The following LRRC4B variants were observed in gnomAD, a reference collection of about 807,000 sequenced individuals.
LRRC4B encodes the protein leucine-rich repeat-containing protein 4B.
LRRC4B carries 1 observed loss-of-function variant against 7.3 expected under a neutral mutation model. That is an observed-to-expected ratio of 0.14 (90% CI 0.05 to 0.65). The LOEUF is 0.65. Among genes scored for constraint, LRRC4B ranks in the 30% least tolerant of loss-of-function variants. LRRC4B has a pLI of 0.84. For synonymous variants in LRRC4B, 500 were observed against 499.2 expected, an observed-to-expected ratio of 1.00 and a Z score of -0.02; for missense variants, 730 against 1,041.6, an observed-to-expected ratio of 0.70 and a Z score of 4.12.
rs753611353 is a variant in LRRC4B, at chr19:50,548,283, G to C, written c.297+259C>G. On this transcript the variant is annotated intron_variant, in intron 2 of 2. Transcript: ENST00000652263. This position sits in a 1 kb window ranked among gnomAD's most constrained non-coding sequence, Gnocchi z 6.8. ...CGACCCGCCTGTCCTGTGCCGGGGG[G>C]GCTGGGCAGGTGGCCTGCACTTGGG... 5.8e-4 allele frequency among the ~76,000 whole-genome samples: 88 copies of C among 152,350 alleles called. No homozygotes were observed. The highest frequency in any genetic ancestry group is 1.7e-3 in the South Asian group (8 of 4,830).
At chr19:50,547,244 G>T (rs1348937080) in intron 2 of LRRC4B, among the ~76,000 whole-genome samples, 1 of 152,172 alleles carries the variant, frequency 6.6e-6, no homozygotes, top group Non-Finnish European at 1.5e-5. Context: ...GGGAGCGGGG[G>T]GTGGTGATGT....
intron 1 of LRRC4B, among the ~76,000 whole-genome samples, chr19:50,551,218 T>C (rs1982044613): frequency 6.6e-6 from 1 of 151,088 alleles, no homozygotes; most frequent in Non-Finnish European, 1.5e-5. Context: ...GCTGGGCCTC[T>C]CCCTGCGCCC....
Position 50,548,822 on chromosome 19 carries a change from C to A in LRRC4B, c.17G>T (p.Gly6Val). The A allele has an allele frequency of 6.7e-7, 1 of 1,493,484 alleles. No homozygotes were observed. Among genetic ancestry groups the A allele is most frequent in the Non-Finnish European group, 8.9e-7 (1 of 1,126,338 alleles). 92.5% of individuals were successfully genotyped at this position (1,493,484 alleles called of 1,614,324 possible). A position where few individuals can be genotyped will look rare whatever the true frequency, so the allele number is the denominator to read the frequency against. MARAR[G>V]SPCPPLPPGR... The stretch of plus-strand genomic sequence containing the variant: ...GGGCGGCAGCGGGGGGCACGGGGAG[C>A]CGCGGGCACGCGCCATCCTCAATGT... The change falls in exon 2 of 3, where the codon GGC (glycine) becomes GTC (valine). Residue 6 changes from glycine (G) to valine (V), a missense_variant. Gly to Val is a moderately radical substitution (Grantham distance 109). Transcript: ENST00000652263. The surrounding 1 kb of genome is among the most constrained non-coding windows in gnomAD (Gnocchi z 6.8).
At chr19:50,522,991 T>C (rs1980648003) in intron 2 of LRRC4B, among the ~76,000 whole-genome samples, 1 of 152,200 alleles carries the variant, frequency 6.6e-6, no homozygotes, top group Admixed American at 6.5e-5. Flanking sequence ...TTGCCCAAGG[T>C]CACACAGAAG....
At position 50,548,573 on chromosome 19, in the gene LRRC4B, C is replaced by T. The variant is rs563876239; in HGVS notation, c.266G>A (p.Arg89Gln). Residue 89 changes from arginine to glutamine, a missense_variant, in exon 2 of 3, where the codon CGG becomes CAG. Physicochemically the swap from Arg to Gln is conservative, Grantham distance 43. Transcript: ENST00000652263. The surrounding 1 kb of genome is among the most constrained non-coding windows in gnomAD (Gnocchi z 6.8). ...EVPASIPVNTRYLNLQENGIQ... is the reference protein window; with the variant it reads ...EVPASIPVNTQYLNLQENGIQ... ...GCCGTTCTCTTGCAGGTTCAGGTAC[C>T]GCGTGTTGACCGGGATGCTGGCTGG... 3 of 1,601,558 alleles carry T rather than the reference C, an allele frequency of 1.9e-6. No homozygotes were observed. Among genetic ancestry groups the T allele is most frequent in the African/African-American group, 1.3e-5 (1 of 75,010 alleles).
intron 2 of LRRC4B, among the ~76,000 whole-genome samples, chr19:50,544,150 TGA>T (rs1981689639): frequency 1.3e-5 from 2 of 151,626 alleles, no homozygotes; most frequent in Admixed American, 6.6e-5. Context: ...GAGGTTGCAG[TGA>T]GCTGAGATTG....
At chr19:50,565,448 G>A (rs1205303249) in intron 1 of LRRC4B, among the ~76,000 whole-genome samples, 2 of 152,188 alleles carry the variant, frequency 1.3e-5, no homozygotes, top group African/African-American at 2.4e-5. Context: ...CTGACTGAGT[G>A]TGGGGGCTGC....
At position 50,537,718 on chromosome 19, in the gene LRRC4B, A is replaced by C. The variant is rs921822931; in HGVS notation, c.297+10824T>G. Among the ~76,000 whole-genome samples, 1 of 151,992 alleles carries C rather than the reference A, an allele frequency of 6.6e-6. No homozygotes were observed. Among genetic ancestry groups the C allele is most frequent in the Non-Finnish European group, 1.5e-5 (1 of 67,980 alleles). On this transcript the variant is annotated intron_variant, in intron 2 of 2. Transcript: ENST00000652263. The surrounding 1 kb of genome is among the most constrained non-coding windows in gnomAD (Gnocchi z 5.5). ...GTGTGCTGTGAGTCATCATGAGAAA[A>C]AGTTAAGAAGAAACTGACAAAGTAT... is the stretch of plus-strand genomic sequence containing the variant.
intron 1 of LRRC4B, among the ~76,000 whole-genome samples, chr19:50,564,646 C>T (rs188181317): frequency 3.9e-5 from 6 of 151,920 alleles, no homozygotes; most frequent in African/African-American, 1.2e-4. Context: ...GATGGAGAGG[C>T]GAGACGGCTT....
chr19:50,555,455 G>C lies in LRRC4B; in HGVS notation c.-35-6582C>G, dbSNP rs1365270949. 6.5e-6 allele frequency: 1 copy of C among 153,354 alleles called. No individual in the cohort carries two copies. The highest frequency in any genetic ancestry group is 2.4e-5 in the African/African-American group (1 of 41,480). 9.5% of individuals were successfully genotyped at this position (153,354 alleles called of 1,614,324 possible). ...AGGACCCCAAAGAGGAGAAGTACGA[G>C]GGGCAGAGAGTGGCAGAGTCACAGG... On this transcript the variant is annotated intron_variant, in intron 1 of 2. Coordinates refer to ENST00000652263, the MANE Select transcript of LRRC4B (RefSeq NM_001080457.2). This position sits in a 1 kb window ranked among gnomAD's most constrained non-coding sequence, Gnocchi z 5.2.
At position 50,526,352 on chromosome 19, in the gene LRRC4B, G is replaced by C. The variant is rs1980806657; in HGVS notation, c.298-6937C>G. ...TTTTCCTGGATACCTCCCTGCATCT[G>C]TCCTTCAACACCTAGTTCCAGGGTC... is the stretch of plus-strand genomic sequence containing the variant. On this transcript the variant is annotated intron_variant, in intron 2 of 2. Transcript: ENST00000652263. Among the ~76,000 whole-genome samples the C allele has an allele frequency of 2.6e-5, 4 of 152,072 alleles. No homozygotes were observed. In the South Asian group the frequency reaches 8.3e-4, roughly 32 times the overall value.
intron 1 of LRRC4B, among the ~76,000 whole-genome samples, chr19:50,558,594 G>A (rs890961361): frequency 1.3e-5 from 2 of 152,228 alleles, no homozygotes; most frequent in Non-Finnish European, 2.9e-5. Flanking sequence ...TGTTCTCTCC[G>A]TGCTGTCCAG....
At chr19:50,528,133 C>G (rs1345443262) in intron 2 of LRRC4B, among the ~76,000 whole-genome samples, 1 of 151,534 alleles carries the variant, frequency 6.6e-6, no homozygotes, top group African/African-American at 2.4e-5. Flanking sequence ...GCCTCAACCT[C>G]CTGGGTCCCA....
chr19:50,521,917 AG>A (rs1339110347), intron 2 of LRRC4B, among the ~76,000 whole-genome samples: 1 of 151,076 alleles, frequency 6.6e-6, no homozygotes, highest in Non-Finnish European at 1.5e-5. Flanking sequence ...GGCTCACAGC[AG>A]TAATCCCAGC....
In LRRC4B at chr19:50,548,167, C is replaced by A. The variant is rs1208288252; in HGVS notation, c.297+375G>T. Among the ~76,000 whole-genome samples, 1 of 152,222 alleles carries A rather than the reference C, an allele frequency of 6.6e-6. No individual in the cohort carries two copies. The highest frequency in any genetic ancestry group is 1.5e-5 in the Non-Finnish European group (1 of 68,028). ...GAATCATGCCGTCACCTTCCCAAGG[C>A]CACGAGAGGGTGTGGTGGTGCAGAT... On this transcript the variant is annotated intron_variant, in intron 2 of 2. Coordinates refer to ENST00000652263, the MANE Select transcript of LRRC4B (RefSeq NM_001080457.2). The surrounding 1 kb of genome is among the most constrained non-coding windows in gnomAD (Gnocchi z 6.8).
rs1208338659 is a variant in LRRC4B, at chr19:50,519,005, C to T, written c.708G>A (p.Leu236=). 3 of 1,612,410 alleles carry T rather than the reference C, an allele frequency of 1.9e-6. No individual in the cohort carries two copies. The highest frequency in any genetic ancestry group is 2.5e-6 in the Non-Finnish European group (3 of 1,179,754). ...TALVRLEELE[L]SGNRLDLIRP... ...GGATCAGGTCCAGCCGGTTGCCCGA[C>T]AGCTCCAGCTCCTCCAGGCGCACCA... The change falls in exon 3 of 3, where the codon CTG becomes CTA. Residue 236 remains leucine, a synonymous_variant. Transcript: ENST00000652263. This position sits in a 1 kb window ranked among gnomAD's most constrained non-coding sequence, Gnocchi z 8.1.
In LRRC4B at chr19:50,517,878, G is replaced by T. The variant is rs1345889745; in HGVS notation, c.1835C>A (p.Thr612Lys). The part of the protein sequence containing the change: ...QHQLHKHHGP[T>K]RTVEIINVED... ...CACGTTGATGATCTCCACGGTGCGCGTGGGCCCGTGGTGCTTGTGGAGCTG... is the reference window on the plus strand; with the variant it reads ...CACGTTGATGATCTCCACGGTGCGCTTGGGCCCGTGGTGCTTGTGGAGCTG... The change falls in exon 3 of 3, where the codon ACG becomes AAG. Residue 612 changes from threonine to lysine, a missense_variant. Transcript: ENST00000652263. This position sits in a 1 kb window ranked among gnomAD's most constrained non-coding sequence, Gnocchi z 6.6. The T allele has an allele frequency of 1.3e-6, 2 of 1,595,426 alleles. No homozygotes were observed. Among genetic ancestry groups the T allele is most frequent in the Non-Finnish European group, 8.5e-7 (1 of 1,174,038 alleles).
intron 2 of LRRC4B, among the ~76,000 whole-genome samples, chr19:50,542,583 T>A (rs1981599758): frequency 6.6e-6 from 1 of 151,644 alleles, no homozygotes. Flanking sequence ...TTCAAGCTAT[T>A]CTCCTTCCTC....
intron 2 of LRRC4B, among the ~76,000 whole-genome samples, chr19:50,529,728 G>A (rs940106223): frequency 6.6e-6 from 1 of 152,248 alleles, no homozygotes; most frequent in Admixed American, 6.5e-5. Flanking sequence ...CATGAACTTG[G>A]GAGGAGGAGG....
Sources: gnomAD v4.1 joint callset for allele counts (sites outside exome capture counted in the v4.1 genomes callset) on GRCh38, gnomAD v4.1.1 for gene constraint, Gnocchi (gnomAD v3.1) non-coding constraint, MANE v1.5 for transcripts, NCBI Gene and HGNC (gene_info 2026-07-23, HGNC 2026-07-21) for gene names.